The following ACER3 variants were observed in gnomAD, a reference collection of about 807,000 sequenced individuals.
ACER3 encodes the protein alkaline ceramidase 3, also known as alkCDase 3.
ACER3 carries 16 observed loss-of-function variants against 48.9 expected under a neutral mutation model. The observed-to-expected ratio is 0.33, with a 90% CI of 0.22 to 0.50. The LOEUF (loss-of-function observed/expected upper bound fraction) is 0.50, where lower values mean the gene tolerates loss of function less well. Ranked by LOEUF, ACER3 falls within the 20% of genes least tolerant of loss-of-function variation. The probability of loss-of-function intolerance (pLI) is 0.98; values close to 1 mark genes in which losing one functional copy is unlikely to be tolerated. For missense variants in ACER3, 227 were observed against 326.0 expected (o/e 0.70, Z 2.34); for synonymous variants, 109 against 107.8 (o/e 1.01, Z -0.07).
At chr11:76,947,157 T>C in intron 2 of ACER3, among the ~76,000 whole-genome samples, 1 of 152,316 alleles carries the variant, frequency 6.6e-6, no homozygotes, top group African/African-American at 2.4e-5. Flanking sequence ...AGATACACAC[T>C]ACCTGTGTCT....
intron 3 of ACER3, among the ~76,000 whole-genome samples, chr11:76,960,045 C>T (rs1305194169): frequency 6.6e-6 from 1 of 151,858 alleles, no homozygotes; most frequent in Non-Finnish European, 1.5e-5. Flanking sequence ...AAAATCTGAG[C>T]TACATTTGTA....
chr11:77,003,513 CT>C (rs1949076224), intron 7 of ACER3, among the ~76,000 whole-genome samples: 1 of 152,070 alleles, frequency 6.6e-6, no homozygotes, highest in Non-Finnish European at 1.5e-5. Context: ...AAAAACCAGA[CT>C]TTTGTTTGAT....
chr11:76,989,963 A>T (rs1948764826), intron 5 of ACER3, among the ~76,000 whole-genome samples: 1 of 152,208 alleles, frequency 6.6e-6, no homozygotes, highest in Non-Finnish European at 1.5e-5. Flanking sequence ...GATTTCTGGA[A>T]GCATAAGAAA....
intron 1 of ACER3, among the ~76,000 whole-genome samples, chr11:76,913,112 T>C (rs1267910849): frequency 6.6e-6 from 1 of 152,192 alleles, no homozygotes; most frequent in Non-Finnish European, 1.5e-5. Context: ...TTCTTAGGTA[T>C]TTTATTCTCT....
intron 1 of ACER3, among the ~76,000 whole-genome samples, chr11:76,923,817 T>TCTGGCTATGTGTGTA (rs1946746673): frequency 2.0e-5 from 3 of 152,218 alleles, no homozygotes; most frequent in Admixed American, 1.3e-4. Flanking sequence ...AGGCACTGTT[T>TCTGGCTATGTGTGTA]CTGGCTATGT....
At chr11:76,973,555 C>T (rs1380348563) in intron 3 of ACER3, among the ~76,000 whole-genome samples, 1 of 152,158 alleles carries the variant, frequency 6.6e-6, no homozygotes, top group Non-Finnish European at 1.5e-5. Context: ...AGCATGAGTG[C>T]CCAGCTCAGG....
intron 6 of ACER3, chr11:76,998,443 G>GCTAAAGAGAAGAGAGGAA (rs1948960875): frequency 6.9e-6 from 2 of 291,080 alleles, no homozygotes; most frequent in Admixed American, 5.9e-5. Flanking sequence ...GAAGAGAGGA[G>GCTAAAGAGAAGAGAGGAA]CTAAAGATTA....
chr11:76,892,755 A>C (rs182479675), intron 1 of ACER3, among the ~76,000 whole-genome samples: 5 of 152,204 alleles, frequency 3.3e-5, no homozygotes, highest in Admixed American at 2.0e-4. Context: ...TTGATATAAG[A>C]AACACTGTTT....
chr11:76,979,301 A>G (rs1022327261), intron 4 of ACER3, among the ~76,000 whole-genome samples: 2 of 152,206 alleles, frequency 1.3e-5, no homozygotes, highest in African/African-American at 4.8e-5. Flanking sequence ...TTTTATTTTT[A>G]GTTAGCTATA....
At chr11:76,964,260 TG>T (rs1366406901) in intron 3 of ACER3, among the ~76,000 whole-genome samples, 1 of 151,206 alleles carries the variant, frequency 6.6e-6, no homozygotes, top group African/African-American at 2.5e-5. Context: ...GCAGTGAGGC[TG>T]GGGGAGGGGC....
At chr11:76,892,926 C>T (rs1310398993) in intron 1 of ACER3, among the ~76,000 whole-genome samples, 1 of 152,114 alleles carries the variant, frequency 6.6e-6, no homozygotes, top group African/African-American at 2.4e-5. Context: ...GAAGACTCTA[C>T]CGAAAGCCTT....
At chr11:76,978,032 A>G (rs1948488540) in intron 4 of ACER3, among the ~76,000 whole-genome samples, 2 of 152,190 alleles carry the variant, frequency 1.3e-5, no homozygotes, top group South Asian at 4.1e-4. Context: ...GACTTTAGGC[A>G]CTGACAAGCA....
At chr11:76,890,650 T>C (rs1341946566) in intron 1 of ACER3, among the ~76,000 whole-genome samples, 4 of 152,192 alleles carry the variant, frequency 2.6e-5, no homozygotes, top group Admixed American at 2.6e-4. Context: ...TACTTACAGA[T>C]TTCAAGGCAT....
intron 6 of ACER3, chr11:76,994,114 T>G (rs1948862296): frequency 2.3e-6 from 1 of 443,332 alleles, no homozygotes; most frequent in Non-Finnish European, 4.5e-6. Flanking sequence ...TTTATTCAAC[T>G]ATATTGTAGG....
chr11:76,892,765 T>G (rs1250880021), intron 1 of ACER3, among the ~76,000 whole-genome samples: 2 of 152,188 alleles, frequency 1.3e-5, no homozygotes, highest in African/African-American at 2.4e-5. Context: ...AAACACTGTT[T>G]AAGAAATTAA....
intron 1 of ACER3, among the ~76,000 whole-genome samples, chr11:76,874,987 T>G (rs1945332898): frequency 1.3e-5 from 2 of 152,204 alleles, no homozygotes. Context: ...TCAGTGGATA[T>G]CTCTTTAAAT....
At chr11:76,890,481 A>G (rs772698606) in intron 1 of ACER3, among the ~76,000 whole-genome samples, 1 of 152,208 alleles carries the variant, frequency 6.6e-6, no homozygotes, top group Non-Finnish European at 1.5e-5. Context: ...TTTTCATTAT[A>G]AAGTCATTTT....
rs181834419 is a variant in ACER3 at position 76,955,830 on chromosome 11, G to A, written c.215-3149G>A. Among the ~76,000 whole-genome samples the A allele has an allele frequency of 2.0e-5, 3 of 152,268 alleles. No individual in the cohort carries two copies. In the East Asian group the frequency reaches 5.8e-4, roughly 29 times the overall value. ...CTGATGAATGGATAAGTAAAATATG[G>A]TATGTTCATATAATGGAATATTATT... On this transcript the variant is annotated intron_variant, in intron 2 of 10. Transcript: ENST00000532485.
At chr11:76,950,377 A>T (rs1158240901) in intron 2 of ACER3, among the ~76,000 whole-genome samples, 37 of 25,050 alleles carry the variant, frequency 1.5e-3, no homozygotes, top group African/African-American at 5.6e-3. Flanking sequence ...ATATATATAT[A>T]TATATATATA....
Sources: gnomAD v4.1 joint callset for allele counts (sites outside exome capture counted in the v4.1 genomes callset) on GRCh38, gnomAD v4.1.1 for gene constraint, MANE v1.5 for transcripts, NCBI Gene and HGNC (gene_info 2026-07-23, HGNC 2026-07-21) for gene names.